The following RORA variants were observed in gnomAD, a reference collection of about 807,000 sequenced individuals.
RORA encodes nuclear receptor ROR-alpha.
A neutral mutation model predicts 69.5 loss-of-function variants in RORA; 7 were observed. The ratio of observed to expected loss-of-function variants is 0.10; its 90% CI spans 0.06 to 0.19. The LOEUF (loss-of-function observed/expected upper bound fraction) is 0.19. RORA is among the 10% of genes least tolerant of loss of function. The probability of loss-of-function intolerance (pLI) is 1.00; values close to 1 mark genes in which losing one functional copy is unlikely to be tolerated. For missense variants in RORA, 457 were observed against 663.0 expected, an observed-to-expected ratio of 0.69 and a Z score of 3.41; for synonymous variants, 261 against 240.8, an observed-to-expected ratio of 1.08 and a Z score of -0.78.
At chr15:61,026,941 T>C (rs8033470) in intron 1 of RORA, among the ~76,000 whole-genome samples, 16,537 of 152,028 alleles carry the variant, frequency 0.11, 1,352 homozygotes, top group East Asian at 0.29. Context: ...AGGATTTTCA[T>C]TGGCTTCCAG....
Position 60,778,072 on chromosome 15 carries a change from T to C in RORA, c.167-99386A>G, listed in dbSNP as rs978926477. ...AAGCTATAGCCTCCGGCAAGAAAAATGTAACACAACTGCGCAGGCTTGGTA... is the reference window on the plus strand; with the variant it reads ...AAGCTATAGCCTCCGGCAAGAAAAACGTAACACAACTGCGCAGGCTTGGTA... On this transcript the variant is annotated intron_variant, in intron 1 of 10. Transcript: ENST00000335670. 2.0e-5 allele frequency among the ~76,000 whole-genome samples: 3 copies of C among 152,150 alleles called. No individual in the cohort carries two copies. In the East Asian group the frequency reaches 5.8e-4, roughly 29 times the overall value.
intron 2 of RORA, among the ~76,000 whole-genome samples, chr15:60,585,330 T>G (rs1300437762): frequency 6.6e-6 from 1 of 152,228 alleles, no homozygotes; most frequent in Non-Finnish European, 1.5e-5. Flanking sequence ...TGTCGCTACC[T>G]CATGCAGAGT....
At chr15:60,692,942 A>G (rs1365132141) in intron 1 of RORA, among the ~76,000 whole-genome samples, 1 of 152,188 alleles carries the variant, frequency 6.6e-6, no homozygotes, top group African/African-American at 2.4e-5. Context: ...CCTCCCTAAC[A>G]CATTCTATGA....
chr15:61,098,292 CCTCA>C (rs2078826822), intron 1 of RORA, among the ~76,000 whole-genome samples: 2 of 149,908 alleles, frequency 1.3e-5, no homozygotes, highest in South Asian at 2.2e-4. Context: ...TCCCTGCCTC[CCTCA>C]CTGTCTCCCT....
intron 1 of RORA, among the ~76,000 whole-genome samples, chr15:61,094,921 C>A (rs2078766373): frequency 6.6e-6 from 1 of 152,180 alleles, no homozygotes; most frequent in Non-Finnish European, 1.5e-5. Flanking sequence ...GCGGGTTTCA[C>A]CAGGCAGAGA....
intron 1 of RORA, among the ~76,000 whole-genome samples, chr15:60,949,176 T>C (rs1271897761): frequency 2.0e-5 from 3 of 152,074 alleles, no homozygotes; most frequent in Non-Finnish European, 2.9e-5. Context: ...ACACCCCCTA[T>C]GACATGGCCC....
intron 9 of RORA, 28 bp from the exon 10 acceptor site, chr15:60,500,032 G>T: frequency 7.3e-7 from 1 of 1,367,936 alleles, no homozygotes; most frequent in South Asian, 1.2e-5. Context: ...ATATTCTTTA[G>T]CATTCCTCTG....
rs1453432621 is a variant in RORA at position 60,496,307 on chromosome 15, C to G, written c.*1148G>C. 6.6e-6 allele frequency: 1 copy of G among 152,116 alleles called. No homozygotes were observed. Among genetic ancestry groups the G allele is most frequent in the Non-Finnish European group, 1.5e-5 (1 of 68,028 alleles). The allele number at this position is 152,116 out of a possible 1,614,324, so 9.4% of individuals were successfully genotyped here. On this transcript the variant is annotated 3_prime_UTR_variant, in exon 11 of 11. Coordinates refer to ENST00000335670, the MANE Select transcript of RORA (RefSeq NM_134261.3). This position sits in a 1 kb window ranked among gnomAD's most constrained non-coding sequence, Gnocchi z 4.5. Reference sequence around the variant, plus strand: ...CTTTGGGTCCTTCTTATAATAAAAGCTAGATTCCAATAAATATTCTGGTTG... The same window carrying G: ...CTTTGGGTCCTTCTTATAATAAAAGGTAGATTCCAATAAATATTCTGGTTG...
rs542839188 is a variant in RORA at position 60,540,077 on chromosome 15, G to A, written c.197-8226C>T. ...ATGCTCAAGGGAAATTCCTAATAACGTTGTTTCCAACAATGGTGTCCCTTA... is the reference window on the plus strand; with the variant it reads ...ATGCTCAAGGGAAATTCCTAATAACATTGTTTCCAACAATGGTGTCCCTTA... On this transcript the variant is annotated intron_variant, in intron 2 of 10. Transcript: ENST00000335670. Among the ~76,000 whole-genome samples the A allele has an allele frequency of 1.6e-4, 25 of 152,178 alleles. No individual in the cohort carries two copies. The South Asian group carries it at 2.5e-3, about 15-fold the overall frequency.
chr15:61,032,774 T>A (rs2140446812), intron 1 of RORA, among the ~76,000 whole-genome samples: 1 of 152,318 alleles, frequency 6.6e-6, no homozygotes, highest in Middle Eastern at 3.4e-3. Flanking sequence ...TAGTTTTCAT[T>A]TATGGGTCAA....
At chr15:61,023,432 T>C (rs1340151422) in intron 1 of RORA, among the ~76,000 whole-genome samples, 1 of 152,106 alleles carries the variant, frequency 6.6e-6, no homozygotes, top group African/African-American at 2.4e-5. Context: ...CTCATGAGAC[T>C]TATTCACTAC....
rs114132762 is a variant in RORA at position 60,993,733 on chromosome 15, C to G, written c.166+235320G>C. On this transcript the variant is annotated intron_variant, in intron 1 of 10. Transcript: ENST00000335670. The stretch of plus-strand genomic sequence containing the variant: ...ATCAGTACCGCATTTAATTCTCATT[C>G]AACCAGTCCAACTCCTTTTTCTAAG... 4.3e-3 allele frequency among the ~76,000 whole-genome samples: 638 copies of G among 149,542 alleles called. 9 individuals carry two copies. Among genetic ancestry groups the G allele is most frequent in the African/African-American group, 0.015 (611 of 40,876 alleles).
At chr15:61,116,720 T>C (rs1239764619) in intron 1 of RORA, among the ~76,000 whole-genome samples, 1 of 152,090 alleles carries the variant, frequency 6.6e-6, no homozygotes, top group Non-Finnish European at 1.5e-5. Context: ...GTGAGTTCTG[T>C]TCCTGGCTCT....
intron 1 of RORA, among the ~76,000 whole-genome samples, chr15:60,870,626 G>C (rs2140435298): frequency 6.6e-6 from 1 of 152,254 alleles, no homozygotes; most frequent in South Asian, 2.1e-4. Context: ...GTATATGCGT[G>C]GTGACGCTCA....
intron 1 of RORA, among the ~76,000 whole-genome samples, chr15:61,143,662 A>G (rs372713509): frequency 6.6e-6 from 1 of 152,224 alleles, no homozygotes; most frequent in Non-Finnish European, 1.5e-5. Context: ...GACATTTCAG[A>G]TGTGGGAAAA....
At position 60,826,789 on chromosome 15, in the gene RORA, CTTTTTTT is replaced by C. The variant is rs71904757; in HGVS notation, c.167-148110_167-148104del. On this transcript the variant is annotated intron_variant, in intron 1 of 10. Coordinates refer to ENST00000335670, the MANE Select transcript of RORA (RefSeq NM_134261.3). ...TCCCTCTCTCTCTCTCTCTCTCTCT[CTTTTTTT>C]TTTAAAGACACACCTGTTCTTTTCC... 8.6e-4 allele frequency among the ~76,000 whole-genome samples: 85 copies of C among 99,326 alleles called. 1 individual carries two copies. The highest frequency in any genetic ancestry group is 1.3e-3 in the Non-Finnish European group (57 of 44,886). The allele number at this position is 99,326 out of a possible 152,430, so 65.2% of individuals were successfully genotyped here.
chr15:60,937,183 G>A (rs1310597134), intron 1 of RORA, among the ~76,000 whole-genome samples: 1 of 152,146 alleles, frequency 6.6e-6, no homozygotes, highest in Non-Finnish European at 1.5e-5. Context: ...GAACCCAAAA[G>A]TCTGACACCA....
intron 1 of RORA, among the ~76,000 whole-genome samples, chr15:60,930,856 G>T (rs1164160797): frequency 1.3e-5 from 2 of 152,142 alleles, no homozygotes; most frequent in Non-Finnish European, 2.9e-5. Context: ...GACCGACCCT[G>T]GTGGGGCAAA....
chr15:60,835,139 G>A (rs1462909170), intron 1 of RORA, among the ~76,000 whole-genome samples: 4 of 152,134 alleles, frequency 2.6e-5, no homozygotes, highest in African/African-American at 4.8e-5. Context: ...AGACACCCCA[G>A]TCACTTCAGA....
Sources: allele counts gnomAD v4.1 joint callset (sites outside exome capture counted in the v4.1 genomes callset), GRCh38; gene constraint gnomAD v4.1.1; non-coding constraint Gnocchi (gnomAD v3.1); transcripts MANE v1.5; gene names NCBI Gene and HGNC (gene_info 2026-07-23, HGNC 2026-07-21).